CXADR: variants seen among roughly 807,000 people sequenced by gnomAD.
The protein encoded by CXADR is CXADR cell adhesion molecule.
A neutral mutation model predicts 40.3 loss-of-function variants in CXADR; 20 were observed. The ratio of observed to expected loss-of-function variants is 0.50; its 90% CI spans 0.35 to 0.72. CXADR has a LOEUF of 0.72. CXADR is among the 30% of genes least tolerant of loss of function. CXADR has a pLI of 0.01. For missense variants in CXADR, 332 were observed against 449.1 expected (o/e 0.74, Z 2.36); for synonymous variants, 150 against 161.3 (o/e 0.93, Z 0.53).
chr21:17,612,820 T>A, the CXADR span: 1 of 152,136 alleles, frequency 6.6e-6, no homozygotes, highest in Non-Finnish European at 1.5e-5. Context: ...GCGAGCCTCG[T>A]CCGGCGCGTG....
intron 6 of CXADR, among the ~76,000 whole-genome samples, chr21:17,565,206 A>G (rs1323860677): frequency 6.6e-6 from 1 of 152,174 alleles, no homozygotes; most frequent in East Asian, 1.9e-4. Flanking sequence ...GTGAAGTTAT[A>G]ACTCTTTAAT....
intron 7 of CXADR, among the ~76,000 whole-genome samples, chr21:17,578,768 G>A (rs1159363626): frequency 6.6e-6 from 1 of 152,206 alleles, no homozygotes; most frequent in Non-Finnish European, 1.5e-5. Context: ...GGTGCAGTGA[G>A]CCATGATAGC....
At position 17,593,166 on chromosome 21, in the gene CXADR, C is replaced by G; in HGVS notation, c.1032C>G (p.Tyr344Ter). 1 of 1,454,970 alleles carries G rather than the reference C, an allele frequency of 6.9e-7. No individual in the cohort carries two copies. Among genetic ancestry groups the G allele is most frequent in the African/African-American group, 1.4e-5 (1 of 69,900 alleles). 90.1% of individuals were successfully genotyped at this position (1,454,970 alleles called of 1,614,324 possible). A position where few individuals can be genotyped will look rare whatever the true frequency, so the allele number is the denominator to read the frequency against. Reference sequence around the variant, plus strand: ...TCTTTTTGTAGTTCAAGTACCCTTACAAGACTGATGGAATTACAGTTGTAT... The same window carrying G: ...TCTTTTTGTAGTTCAAGTACCCTTAGAAGACTGATGGAATTACAGTTGTAT... The change falls in exon 8 of 8, where the codon TAC (tyrosine) becomes TAG (stop). Residue 344 changes from tyrosine to a stop codon, truncating the protein, a stop_gained. Coordinates refer to the CXADR transcript ENST00000400169. LOFTEE classifies it high-confidence loss of function.
chr21:17,599,081 TAAAAA>T, the CXADR span: 5 of 320,096 alleles, frequency 1.6e-5, no homozygotes, highest in East Asian at 2.6e-4. Flanking sequence ...TACTAATTCC[TAAAAA>T]AAAAATTGTT....
intron 7 of CXADR, among the ~76,000 whole-genome samples, chr21:17,578,455 C>G (rs2061337115): frequency 6.6e-6 from 1 of 152,162 alleles, no homozygotes; most frequent in African/African-American, 2.4e-5. Context: ...CTAAGAAAAC[C>G]CTACTGTGAA....
chr21:17,542,052 T>A (rs1542800), intron 1 of CXADR: 65,031 of 353,944 alleles, frequency 0.18, 6,410 homozygotes, highest in African/African-American at 0.21. Context: ...GGTGATTTTT[T>A]AATAAGATTT....
At chr21:17,613,184 G>C in the CXADR span, 2 of 152,352 alleles carry the variant, frequency 1.3e-5, no homozygotes, top group Non-Finnish European at 2.9e-5. Flanking sequence ...CTGAAGGCCT[G>C]TGGGACCCCC....
intron 1 of CXADR, among the ~76,000 whole-genome samples, chr21:17,540,449 G>A (rs571318955): frequency 6.6e-6 from 1 of 152,128 alleles, no homozygotes. Context: ...GCTGAAGGTG[G>A]CAATATTTAG....
chr21:17,560,161 AC>A (rs2061096312), intron 4 of CXADR, among the ~76,000 whole-genome samples: 1 of 152,050 alleles, frequency 6.6e-6, no homozygotes, highest in Admixed American at 6.6e-5. Context: ...AAATCTGCTC[AC>A]CTATTTGTTA....
chr21:17,592,416 G>C (rs1357664925), intron 7 of CXADR, among the ~76,000 whole-genome samples: 1 of 151,740 alleles, frequency 6.6e-6, no homozygotes, highest in East Asian at 1.9e-4. Context: ...TAATTTTTGA[G>C]TATTTTCCAT....
At chr21:17,614,958 G>T in the CXADR span, among the ~76,000 whole-genome samples, 1 of 152,104 alleles carries the variant, frequency 6.6e-6, no homozygotes, top group African/African-American at 2.4e-5. Context: ...AAATGAATTG[G>T]TATGGCAAGG....
intron 7 of CXADR, among the ~76,000 whole-genome samples, chr21:17,586,251 T>G (rs1191880750): frequency 6.6e-6 from 1 of 151,984 alleles, no homozygotes. Flanking sequence ...AGACCCTTTT[T>G]GTATATAGTG....
the CXADR span, among the ~76,000 whole-genome samples, chr21:17,601,599 A>G: frequency 6.6e-6 from 1 of 152,204 alleles, no homozygotes; most frequent in African/African-American, 2.4e-5. Context: ...TGTGTTCTCT[A>G]ATTTCAAGTT....
At chr21:17,553,111 C>T (rs1233842932) in intron 3 of CXADR, among the ~76,000 whole-genome samples, 1 of 152,072 alleles carries the variant, frequency 6.6e-6, no homozygotes, top group Non-Finnish European at 1.5e-5. Context: ...TTAGTAGAAA[C>T]AGTGTTTCAC....
chr21:17,583,049 G>T (rs550641910), intron 7 of CXADR, among the ~76,000 whole-genome samples: 5 of 152,264 alleles, frequency 3.3e-5, no homozygotes, highest in Admixed American at 3.3e-4. Flanking sequence ...GCAACCTGTT[G>T]GGAAATCATA....
chr21:17,561,785 T>C (rs796626799), intron 6 of CXADR, among the ~76,000 whole-genome samples: 30 of 152,238 alleles, frequency 2.0e-4, no homozygotes, highest in African/African-American at 7.0e-4. Flanking sequence ...GAAGTAGATA[T>C]TGAGGTTTGA....
intron 1 of CXADR, among the ~76,000 whole-genome samples, chr21:17,540,021 T>C (rs2060807058): frequency 6.6e-6 from 1 of 152,202 alleles, no homozygotes; most frequent in Non-Finnish European, 1.5e-5. Flanking sequence ...TTCACAGCTC[T>C]GGAGTCTGGG....
chr21:17,624,054 C>A, the CXADR span, among the ~76,000 whole-genome samples: 1 of 152,048 alleles, frequency 6.6e-6, no homozygotes, highest in Non-Finnish European at 1.5e-5. Flanking sequence ...CGTGTCATGC[C>A]TCTGCCCCAA....
At chr21:17,604,185 T>C in the CXADR span, 4 of 1,247,852 alleles carry the variant, frequency 3.2e-6, no homozygotes, top group South Asian at 1.3e-5. Flanking sequence ...GGCTCACGCC[T>C]GTAATCCAGC....
Sources: allele counts gnomAD v4.1 joint callset (sites outside exome capture counted in the v4.1 genomes callset), GRCh38; gene constraint gnomAD v4.1.1; transcripts MANE v1.5; gene names NCBI Gene and HGNC (gene_info 2026-07-23, HGNC 2026-07-21).